The following RAB3GAP2 variants were observed in gnomAD, a reference collection of about 807,000 sequenced individuals.
RAB3GAP2 encodes the protein RAB3 GTPase activating non-catalytic protein subunit 2.
RAB3GAP2 carries 87 observed loss-of-function variants against 185.3 expected under a neutral mutation model. The observed-to-expected ratio is 0.47, with a 90% CI of 0.39 to 0.56. RAB3GAP2 has a LOEUF of 0.56. RAB3GAP2 is among the 20% of genes least tolerant of loss of function. RAB3GAP2 has a pLI of 0.00. For missense variants in RAB3GAP2, 1,492 were observed against 1,638.2 expected, an observed-to-expected ratio of 0.91 and a Z score of 1.54; for synonymous variants, 554 against 576.1, an observed-to-expected ratio of 0.96 and a Z score of 0.55.
At chr1:220,194,482 T>A (rs1319669390) in intron 12 of RAB3GAP2, among the ~76,000 whole-genome samples, 3 of 152,092 alleles carry the variant, frequency 2.0e-5, no homozygotes, top group Non-Finnish European at 4.4e-5. Context: ...AACCTCTGCC[T>A]CCCGGGTTTG....
chr1:220,227,258 C>T (rs11118506), intron 2 of RAB3GAP2, among the ~76,000 whole-genome samples: 5,643 of 152,220 alleles, frequency 0.037, 137 homozygotes, highest in Non-Finnish European at 0.047. Flanking sequence ...TAGTTGGCTA[C>T]GGCCGATAGT....
chr1:220,185,873 T>C (rs1372349151), intron 17 of RAB3GAP2, 132 bp from the exon 18 acceptor site: 2 of 667,598 alleles, frequency 3.0e-6, no homozygotes, highest in Non-Finnish European at 5.2e-6. Context: ...TGTTTTAGTG[T>C]ACATATATTA....
At chr1:220,199,945 C>T (rs1040052559) in intron 9 of RAB3GAP2, among the ~76,000 whole-genome samples, 1 of 152,160 alleles carries the variant, frequency 6.6e-6, no homozygotes, top group Non-Finnish European at 1.5e-5. Context: ...TCTCTCTACC[C>T]AGCAAACAGG....
chr1:220,268,091 A>C (rs866647233), intron 1 of RAB3GAP2, among the ~76,000 whole-genome samples: 3 of 152,246 alleles, frequency 2.0e-5, no homozygotes, highest in Non-Finnish European at 4.4e-5. Context: ...AAAAAAATTT[A>C]AGATGATCTC....
At chr1:220,224,286 A>G (rs192365024) in intron 2 of RAB3GAP2, among the ~76,000 whole-genome samples, 1 of 152,162 alleles carries the variant, frequency 6.6e-6, no homozygotes, top group Non-Finnish European at 1.5e-5. Flanking sequence ...CGGACTCTCA[A>G]TTATGACACT....
intron 21 of RAB3GAP2, among the ~76,000 whole-genome samples, chr1:220,174,638 C>A (rs1303120526): frequency 6.6e-6 from 1 of 151,342 alleles, no homozygotes; most frequent in African/African-American, 2.4e-5. Flanking sequence ...TTTTTTGTAC[C>A]CATTAGAAAC....
chr1:220,161,726 AAATT>A (rs1287789949), intron 28 of RAB3GAP2, among the ~76,000 whole-genome samples: 3 of 152,230 alleles, frequency 2.0e-5, no homozygotes, highest in Non-Finnish European at 4.4e-5. Context: ...ACAACTATAA[AAATT>A]ATAGAAATCT....
At chr1:220,190,951 A>T in intron 14 of RAB3GAP2, 117 bp downstream of exon 14, 1 of 1,000,258 alleles carries the variant, frequency 1.0e-6, no homozygotes, top group Non-Finnish European at 1.5e-6. Context: ...CACAATAAAG[A>T]ATATTGTAAT....
intron 1 of RAB3GAP2, among the ~76,000 whole-genome samples, chr1:220,233,508 T>C (rs1298270760): frequency 6.6e-6 from 1 of 152,234 alleles, no homozygotes; most frequent in Non-Finnish European, 1.5e-5. Context: ...GACTGGTTTT[T>C]ACATAGTCAT....
intron 1 of RAB3GAP2, chr1:220,254,549 T>G: frequency 6.2e-7 from 1 of 1,603,910 alleles, no homozygotes; most frequent in South Asian, 1.1e-5. Context: ...TGAGAGGCAC[T>G]CTCACTCACT....
intron 1 of RAB3GAP2, chr1:220,253,604 A>G: frequency 3.2e-6 from 5 of 1,578,774 alleles, no homozygotes; most frequent in Non-Finnish European, 4.4e-6. Flanking sequence ...CCTAAATTCC[A>G]GGAGGGTGAG....
At chr1:220,263,564 G>C (rs1204143239) in intron 1 of RAB3GAP2, among the ~76,000 whole-genome samples, 1 of 151,990 alleles carries the variant, frequency 6.6e-6, no homozygotes, top group Non-Finnish European at 1.5e-5. Context: ...CCCAAAGAAT[G>C]CTCTTGGCAC....
chr1:220,224,366 GAAAAA>G (rs1659365589), intron 2 of RAB3GAP2, among the ~76,000 whole-genome samples: 1 of 151,814 alleles, frequency 6.6e-6, no homozygotes, highest in African/African-American at 2.4e-5. Flanking sequence ...CTCATTATAG[GAAAAA>G]AGAAAAGAAA....
intron 4 of RAB3GAP2, chr1:220,211,503 C>G (rs978052452): frequency 5.3e-5 from 20 of 376,290 alleles, no homozygotes; most frequent in Non-Finnish European, 7.2e-5. Flanking sequence ...TGTATTTCAA[C>G]TTGCTGGGTT....
Position 220,172,623 on chromosome 1 carries a change from C to G in RAB3GAP2, c.2416+14G>C. The G allele has an allele frequency of 6.4e-7, 1 of 1,570,698 alleles. No homozygotes were observed. Among genetic ancestry groups the G allele is most frequent in the Non-Finnish European group, 8.8e-7 (1 of 1,140,384 alleles). ...CACGAAACTTTGTTGACGAGAGCAA[C>G]AAACTTTGTTTACCTTTCATCTTGC... On this transcript the variant is annotated intron_variant, in intron 22 of 34. Coordinates refer to ENST00000358951, the MANE Select transcript of RAB3GAP2 (RefSeq NM_012414.4).
At chr1:220,229,371 T>C (rs754362847) in intron 2 of RAB3GAP2, among the ~76,000 whole-genome samples, 1 of 152,236 alleles carries the variant, frequency 6.6e-6, no homozygotes, top group Non-Finnish European at 1.5e-5. Flanking sequence ...TTTCTGATCA[T>C]GTTTAGAATA....
chr1:220,187,330 T>C (rs1023704679), intron 17 of RAB3GAP2, among the ~76,000 whole-genome samples: 2 of 151,962 alleles, frequency 1.3e-5, no homozygotes, highest in South Asian at 2.1e-4. Context: ...AGGAGAACCT[T>C]TTGTTCTAAC....
intron 21 of RAB3GAP2, among the ~76,000 whole-genome samples, chr1:220,174,006 C>A (rs1256618086): frequency 7.9e-6 from 1 of 127,132 alleles, no homozygotes; most frequent in Non-Finnish European, 1.6e-5. Flanking sequence ...GGCTACAGAG[C>A]GAGACTCTGT....
At chr1:220,195,412 T>C in intron 10 of RAB3GAP2, 35 bp from the exon 11 acceptor site, 1 of 1,525,818 alleles carries the variant, frequency 6.6e-7, no homozygotes, top group Non-Finnish European at 9.1e-7. Context: ...GAAAACTTAG[T>C]AGCTTACAAA....
Sources: gnomAD v4.1 joint callset for allele counts (sites outside exome capture counted in the v4.1 genomes callset) on GRCh38, gnomAD v4.1.1 for gene constraint, MANE v1.5 for transcripts, NCBI Gene and HGNC (gene_info 2026-07-23, HGNC 2026-07-21) for gene names.